Variants in DCC observed in about 807,000 individuals in gnomAD.
DCC encodes the protein DCC netrin 1 receptor, also known as netrin receptor DCC.
Under a neutral mutation model 172.5 loss-of-function variants are expected in DCC, and 58 were observed. The observed-to-expected ratio is 0.34, with a 90% confidence interval of 0.27 to 0.42. The LOEUF is 0.42. Ranked by LOEUF, DCC falls within the 10% of genes least tolerant of loss-of-function variation. The pLI is 1.00. For synonymous variants in DCC, 709 were observed against 644.5 expected (o/e 1.10, Z -1.52); for missense variants, 1,740 against 1,791.0 (o/e 0.97, Z 0.51).
At chr18:53,092,604 A>G (rs768004778) in intron 7 of DCC, among the ~76,000 whole-genome samples, 3 of 152,240 alleles carry the variant, frequency 2.0e-5, no homozygotes, top group Non-Finnish European at 4.4e-5. Flanking sequence ...TGACTGTTCT[A>G]TGAGCCTGTT....
In DCC at chr18:53,207,844, T is replaced by A. The variant is rs778980074; in HGVS notation, c.1861+27T>A. On this transcript the variant is annotated intron_variant, in intron 11 of 28. Transcript: ENST00000442544. Reference sequence around the variant, plus strand: ...TAAGTTAAAAACAGTGAAACTCCTTTTACATATTTGACATAATATTGACAA... The same window carrying A: ...TAAGTTAAAAACAGTGAAACTCCTTATACATATTTGACATAATATTGACAA... 5.7e-6 allele frequency: 9 copies of A among 1,578,754 alleles called. No individual in the cohort carries two copies. The African/African-American group carries it at 8.1e-5, about 14-fold the overall frequency.
chr18:52,433,950 GGT>G (rs1987707226), intron 1 of DCC, among the ~76,000 whole-genome samples: 1 of 152,042 alleles, frequency 6.6e-6, no homozygotes, highest in Non-Finnish European at 1.5e-5. Context: ...AGACCATGGT[GGT>G]TAAAAAAATC....
chr18:52,921,595 AG>A (rs1255140674), intron 3 of DCC, among the ~76,000 whole-genome samples: 1 of 151,862 alleles, frequency 6.6e-6, no homozygotes, highest in East Asian at 1.9e-4. Flanking sequence ...GCTATTTGAG[AG>A]GCTGAGGCAG....
intron 13 of DCC, among the ~76,000 whole-genome samples, chr18:53,316,620 C>A (rs1431438547): frequency 6.6e-6 from 1 of 151,604 alleles, no homozygotes; most frequent in East Asian, 1.9e-4. Context: ...TGTTTGTGTC[C>A]TTTCTTATTT....
At chr18:53,521,322 T>C (rs574257337) in intron 27 of DCC, among the ~76,000 whole-genome samples, 96 of 152,232 alleles carry the variant, frequency 6.3e-4, no homozygotes, top group African/African-American at 2.1e-3. Flanking sequence ...TGAGGGATGG[T>C]AGTCTTTAGG....
intron 23 of DCC, among the ~76,000 whole-genome samples, chr18:53,458,888 C>T (rs1317019454): frequency 6.6e-6 from 1 of 152,168 alleles, no homozygotes; most frequent in Non-Finnish European, 1.5e-5. Flanking sequence ...ACAGATGTTG[C>T]CATCAGGTAC....
chr18:53,092,690 C>A (rs1331827682), intron 7 of DCC, among the ~76,000 whole-genome samples: 1 of 151,958 alleles, frequency 6.6e-6, no homozygotes. Flanking sequence ...ATTTGGGTGG[C>A]TTTTCTCTCA....
chr18:52,911,608 G>A (rs928981241), intron 3 of DCC, among the ~76,000 whole-genome samples: 1 of 151,910 alleles, frequency 6.6e-6, no homozygotes, highest in African/African-American at 2.4e-5. Context: ...CTTTGTTGAT[G>A]ATTGGGCATT....
In DCC at chr18:53,410,647, G is replaced by C. The variant is rs777554244; in HGVS notation, c.3130+1G>C. 6.5e-7 allele frequency: 1 copy of C among 1,543,824 alleles called. No homozygotes were observed. Among genetic ancestry groups the C allele is most frequent in the Non-Finnish European group, 9.0e-7 (1 of 1,114,554 alleles). ...CCTATCCTCTTCAGGACTCTGAAAG[G>C]TTTGAATAATTTCCTATTATGCTTT... On this transcript the variant is annotated splice_donor_variant, in intron 20 of 28. Transcript: ENST00000442544. LOFTEE classifies it high-confidence loss of function.
chr18:53,080,248 T>C (rs2042781441), intron 7 of DCC, among the ~76,000 whole-genome samples: 4 of 152,062 alleles, frequency 2.6e-5, no homozygotes, highest in Admixed American at 2.0e-4. Flanking sequence ...TCCTAAATTC[T>C]TGACTTAACT....
chr18:53,519,028 C>A (rs2046370396), intron 27 of DCC, among the ~76,000 whole-genome samples: 1 of 152,054 alleles, frequency 6.6e-6, no homozygotes, highest in Admixed American at 6.6e-5. Context: ...TTGAGTTAAG[C>A]TTTAACTGGC....
At chr18:53,286,707 A>G (rs1039743552) in intron 12 of DCC, among the ~76,000 whole-genome samples, 2 of 152,156 alleles carry the variant, frequency 1.3e-5, no homozygotes, top group African/African-American at 4.8e-5. Context: ...TGCTGTCTTC[A>G]AATATTTGTG....
intron 15 of DCC, among the ~76,000 whole-genome samples, chr18:53,355,619 T>C (rs188024567): frequency 9.2e-5 from 14 of 152,306 alleles, no homozygotes; most frequent in Admixed American, 7.2e-4. Flanking sequence ...CACGTTGATT[T>C]TGTATCCTGA....
intron 1 of DCC, among the ~76,000 whole-genome samples, chr18:52,722,213 T>C (rs12969316): frequency 0.44 from 66,100 of 151,936 alleles, 15,449 homozygotes; most frequent in East Asian, 0.76. Context: ...AGGAACCACT[T>C]TGAATTTCAA....
chr18:53,352,560 C>A (rs921540038), intron 15 of DCC, among the ~76,000 whole-genome samples: 1 of 152,112 alleles, frequency 6.6e-6, no homozygotes, highest in Non-Finnish European at 1.5e-5. Context: ...TTATACATAT[C>A]ATGCTATAAT....
At chr18:52,841,802 C>T (rs2038811988) in intron 2 of DCC, among the ~76,000 whole-genome samples, 1 of 152,000 alleles carries the variant, frequency 6.6e-6, no homozygotes. Flanking sequence ...TTTGCCATTC[C>T]CCCCTCCTCC....
intron 7 of DCC, among the ~76,000 whole-genome samples, chr18:53,066,599 G>A (rs2144092119): frequency 6.6e-6 from 1 of 150,716 alleles, no homozygotes; most frequent in South Asian, 2.1e-4. Flanking sequence ...TTGCATATAT[G>A]TTAGGTGTAT....
rs144067839 is a variant in DCC, at chr18:52,683,173, T to G, written c.92-68881T>G. ...TGAGGAATGATTGCAAGTCTTTGTC[T>G]GTTTGACCTCAAGCCACTTTTCTGC... On this transcript the variant is annotated intron_variant, in intron 1 of 28. Transcript: ENST00000442544. Among the ~76,000 whole-genome samples, 11 of 152,244 alleles carry G rather than the reference T, an allele frequency of 7.2e-5. 1 individual carries two copies. The East Asian group carries it at 2.1e-3, about 29-fold the overall frequency.
chr18:53,197,297 C>G (rs1221335507), intron 9 of DCC, among the ~76,000 whole-genome samples: 1 of 151,664 alleles, frequency 6.6e-6, no homozygotes, highest in Non-Finnish European at 1.5e-5. Flanking sequence ...AATTAGCAAA[C>G]TAATAAAGGG....
Sources: allele counts gnomAD v4.1 joint callset (sites outside exome capture counted in the v4.1 genomes callset), GRCh38; gene constraint gnomAD v4.1.1; transcripts MANE v1.5; gene names NCBI Gene and HGNC (gene_info 2026-07-23, HGNC 2026-07-21).